The following ADGRB3 variants were observed in gnomAD, a reference collection of about 807,000 sequenced individuals.
The protein encoded by ADGRB3 is brain-specific angiogenesis inhibitor 3.
A neutral mutation model predicts 193.4 loss-of-function variants in ADGRB3; 37 were observed. That is an observed-to-expected ratio of 0.19 (90% CI 0.15 to 0.25). ADGRB3 has a LOEUF of 0.25. Ranked by LOEUF, ADGRB3 falls within the 10% of genes least tolerant of loss-of-function variation. The probability of loss-of-function intolerance (pLI) is 1.00; values close to 1 mark genes in which losing one functional copy is unlikely to be tolerated. For missense variants in ADGRB3, 1,637 were observed against 1,852.9 expected, an observed-to-expected ratio of 0.88 and a Z score of 2.14; for synonymous variants, 690 against 644.2, an observed-to-expected ratio of 1.07 and a Z score of -1.08.
At chr6:69,145,320 G>T (rs1774457569) in intron 17 of ADGRB3, among the ~76,000 whole-genome samples, 1 of 152,210 alleles carries the variant, frequency 6.6e-6, no homozygotes, top group African/African-American at 2.4e-5. Context: ...TCCCTGCAAG[G>T]CTGCAGCTGG....
intron 26 of ADGRB3, among the ~76,000 whole-genome samples, chr6:69,348,678 G>C (rs1257514650): frequency 6.6e-6 from 1 of 151,604 alleles, no homozygotes; most frequent in East Asian, 1.9e-4. Context: ...AAAAGAAGAA[G>C]AGTAGGTGGA....
intron 29 of ADGRB3, among the ~76,000 whole-genome samples, chr6:69,369,542 G>A (rs1769661696): frequency 1.3e-5 from 2 of 151,890 alleles, no homozygotes; most frequent in African/African-American, 2.4e-5. Context: ...TACAAAAAAT[G>A]CAAAACTTAA....
At chr6:68,766,177 A>G (rs1766505076) in intron 3 of ADGRB3, among the ~76,000 whole-genome samples, 1 of 151,620 alleles carries the variant, frequency 6.6e-6, no homozygotes, top group Admixed American at 6.6e-5. Flanking sequence ...TTATTTATGT[A>G]TTTCTCTTAA....
intron 20 of ADGRB3, among the ~76,000 whole-genome samples, chr6:69,258,893 G>C (rs555270617): frequency 6.6e-6 from 1 of 152,256 alleles, no homozygotes; most frequent in East Asian, 1.9e-4. Flanking sequence ...CATCTCGTTA[G>C]TTAAGAACCC....
chr6:69,338,259 T>A (rs1286271215), intron 24 of ADGRB3, among the ~76,000 whole-genome samples: 2 of 152,196 alleles, frequency 1.3e-5, no homozygotes, highest in Non-Finnish European at 2.9e-5. Context: ...ACTTAATGAC[T>A]ATGTTAAATG....
chr6:68,938,295 A>G (rs1355348471), intron 5 of ADGRB3, among the ~76,000 whole-genome samples: 2 of 151,982 alleles, frequency 1.3e-5, no homozygotes, highest in African/African-American at 4.8e-5. Context: ...TAAAAACAGA[A>G]TTCATAGAGC....
At position 68,668,784 on chromosome 6, in the gene ADGRB3, CTT is replaced by C. The variant is rs941742410; in HGVS notation, c.757+29355_757+29356del. Among the ~76,000 whole-genome samples, 20 of 151,998 alleles carry C rather than the reference CTT, an allele frequency of 1.3e-4. 1 individual carries two copies. The highest frequency in any genetic ancestry group is 1.2e-3 in the South Asian group (6 of 4,828). ...TTACCTTTACTAGAACCTCGAGTTT[CTT>C]TTCTCTCTACCTCCAAAGTATAATT... On this transcript the variant is annotated intron_variant, in intron 3 of 31. Transcript: ENST00000370598.
chr6:68,734,249 G>A (rs1024902892), intron 3 of ADGRB3, among the ~76,000 whole-genome samples: 1 of 151,892 alleles, frequency 6.6e-6, no homozygotes, highest in African/African-American at 2.4e-5. Context: ...AATGAATTAT[G>A]CCATATGTTA....
intron 3 of ADGRB3, among the ~76,000 whole-genome samples, chr6:68,852,489 T>C (rs1050399737): frequency 6.6e-6 from 1 of 152,036 alleles, no homozygotes; most frequent in Non-Finnish European, 1.5e-5. Flanking sequence ...TGTATATCGT[T>C]AAAGAGTATA....
At chr6:68,670,241 G>A (rs1768911676) in intron 3 of ADGRB3, among the ~76,000 whole-genome samples, 1 of 151,800 alleles carries the variant, frequency 6.6e-6, no homozygotes, top group African/African-American at 2.4e-5. Context: ...TTCATTGATT[G>A]TATCCTTTGA....
Position 68,839,657 on chromosome 6 carries a change from A to G in ADGRB3, c.758-90902A>G, listed in dbSNP as rs193077848. On this transcript the variant is annotated intron_variant, in intron 3 of 31. Transcript: ENST00000370598. ...GGGAGATGGAGAAAGATAGCCAAAC[A>G]AAAGCCTCTACTGATCATCCTCCTT... Among the ~76,000 whole-genome samples, 215 of 152,334 alleles carry G rather than the reference A, an allele frequency of 1.4e-3. 2 individuals are homozygous for G. The highest frequency in any genetic ancestry group is 5.1e-3 in the African/African-American group (212 of 41,562).
chr6:68,772,837 G>A (rs1444046974), intron 3 of ADGRB3, among the ~76,000 whole-genome samples: 2 of 132,704 alleles, frequency 1.5e-5, no homozygotes, highest in East Asian at 2.3e-4. Flanking sequence ...GGGCAACATG[G>A]TGAAAACCTA....
intron 3 of ADGRB3, among the ~76,000 whole-genome samples, chr6:68,699,590 C>T (rs913144440): frequency 2.6e-5 from 4 of 151,632 alleles, no homozygotes; most frequent in Non-Finnish European, 5.9e-5. Flanking sequence ...TGATAGGTTC[C>T]TTTGCATTAA....
At chr6:69,083,037 G>A (rs879563814) in intron 17 of ADGRB3, among the ~76,000 whole-genome samples, 8 of 152,122 alleles carry the variant, frequency 5.3e-5, no homozygotes, top group Non-Finnish European at 7.4e-5. Context: ...TAGCTGGATC[G>A]TTGTCACATT....
At chr6:69,067,713 A>G (rs1398239635) in intron 16 of ADGRB3, among the ~76,000 whole-genome samples, 1 of 152,082 alleles carries the variant, frequency 6.6e-6, no homozygotes, top group East Asian at 1.9e-4. Context: ...GGTAACTTTT[A>G]TGGAGAGTCT....
intron 3 of ADGRB3, among the ~76,000 whole-genome samples, chr6:68,879,634 G>T (rs1392358573): frequency 6.6e-6 from 1 of 152,122 alleles, no homozygotes; most frequent in South Asian, 2.1e-4. Flanking sequence ...AAGCATGTGT[G>T]TGTGCATCTT....
chr6:68,943,745 G>T, intron 5 of ADGRB3, 85 bp from the exon 6 acceptor site: 1 of 1,152,488 alleles, frequency 8.7e-7, no homozygotes, highest in South Asian at 2.4e-5. Flanking sequence ...TCTATTTAAT[G>T]AGTTTTGCTT....
intron 3 of ADGRB3, among the ~76,000 whole-genome samples, chr6:68,719,387 A>T (rs1013795004): frequency 6.6e-6 from 1 of 151,836 alleles, no homozygotes; most frequent in Non-Finnish European, 1.5e-5. Context: ...ATATAAAGTT[A>T]GTTAAAATTT....
At chr6:68,768,738 A>T (rs1390170658) in intron 3 of ADGRB3, among the ~76,000 whole-genome samples, 1 of 152,176 alleles carries the variant, frequency 6.6e-6, no homozygotes. Flanking sequence ...ACAAACTATC[A>T]TCAGGGTGAA....
Sources: gnomAD v4.1 joint callset for allele counts (sites outside exome capture counted in the v4.1 genomes callset) on GRCh38, gnomAD v4.1.1 for gene constraint, MANE v1.5 for transcripts, NCBI Gene and HGNC (gene_info 2026-07-23, HGNC 2026-07-21) for gene names.